The following SOX6 variants were observed in gnomAD, a reference collection of about 807,000 sequenced individuals.
SOX6 encodes the protein transcription factor SOX-6.
Under a neutral mutation model 97.8 loss-of-function variants are expected in SOX6, and 11 were observed. The observed-to-expected ratio is 0.11, with a 90% CI of 0.07 to 0.19. SOX6 has a LOEUF of 0.19. Among genes scored for constraint, SOX6 ranks in the 10% least tolerant of loss-of-function variants. SOX6 has a pLI of 1.00. For missense variants in SOX6, 810 were observed against 1,039.5 expected (o/e 0.78, Z 3.04); for synonymous variants, 360 against 371.4 (o/e 0.97, Z 0.35).
chr11:16,239,285 G>A (rs923052817), intron 3 of SOX6, among the ~76,000 whole-genome samples: 5 of 151,852 alleles, frequency 3.3e-5, no homozygotes, highest in Admixed American at 1.3e-4. Flanking sequence ...ACTCCCTGAC[G>A]ACTGCTCATG....
chr11:16,678,222 C>T (rs1847898972), intron 3 of SOX6, among the ~76,000 whole-genome samples: 1 of 152,186 alleles, frequency 6.6e-6, no homozygotes, highest in South Asian at 2.1e-4. Flanking sequence ...TTCTCTATTT[C>T]ATAATGTGGA....
intron 12 of SOX6, among the ~76,000 whole-genome samples, chr11:16,045,472 T>C (rs934979003): frequency 6.6e-6 from 1 of 152,200 alleles, no homozygotes; most frequent in African/African-American, 2.4e-5. Flanking sequence ...GATCCTTTTA[T>C]ATGTAAATCA....
intron 1 of SOX6, among the ~76,000 whole-genome samples, chr11:16,366,602 C>G (rs297323): frequency 1 from 151,568 of 152,284 alleles, 75,433 homozygotes; most frequent in Middle Eastern, 1. Context: ...CTACCACAGA[C>G]AACTGATTAC....
At chr11:16,220,906 C>T (rs1852519895) in intron 4 of SOX6, among the ~76,000 whole-genome samples, 1 of 152,060 alleles carries the variant, frequency 6.6e-6, no homozygotes. Context: ...GGCGCAGATC[C>T]AGGGGAAGAA....
intron 6 of SOX6, among the ~76,000 whole-genome samples, chr11:16,161,925 C>T (rs796234699): frequency 2.6e-5 from 4 of 152,270 alleles, no homozygotes; most frequent in South Asian, 2.1e-4. Context: ...TCTCTTATCC[C>T]TTCCTGGAAC....
intron 2 of SOX6, among the ~76,000 whole-genome samples, chr11:16,723,136 T>A (rs990985122): frequency 6.6e-6 from 1 of 152,190 alleles, no homozygotes; most frequent in African/African-American, 2.4e-5. Flanking sequence ...CATGGAATAC[T>A]ATGCAGTCAT....
chr11:16,164,820 C>CAAA, intron 6 of SOX6, among the ~76,000 whole-genome samples: 1 of 81,708 alleles, frequency 1.2e-5, no homozygotes, highest in Middle Eastern at 8.6e-3. Flanking sequence ...GACTTGGTAT[C>CAAA]AAAAAAAAAA....
intron 1 of SOX6, among the ~76,000 whole-genome samples, chr11:16,406,426 C>T (rs2174163): frequency 0.39 from 59,170 of 151,956 alleles, 11,589 homozygotes; most frequent in East Asian, 0.52. Context: ...TAGTTGAGTT[C>T]ACTAACATAT....
At position 16,375,201 on chromosome 11, in the gene SOX6, A is replaced by G. The variant is rs1857611822; in HGVS notation, c.-4-33949T>C. On this transcript the variant is annotated intron_variant, in intron 1 of 15. Coordinates refer to the SOX6 transcript ENST00000396356. ...AAAGCTTTTTCAAACTTTCTAGCCC[A>G]CACCAATTAATTTGCCACCCAACGC... Among the ~76,000 whole-genome samples, 3 of 152,082 alleles carry G rather than the reference A, an allele frequency of 2.0e-5. No homozygotes were observed. The South Asian group carries it at 6.2e-4, about 31-fold the overall frequency.
intron 3 of SOX6, among the ~76,000 whole-genome samples, chr11:16,295,446 G>A (rs1214647880): frequency 6.6e-6 from 1 of 151,962 alleles, no homozygotes; most frequent in Non-Finnish European, 1.5e-5. Context: ...ACAATCACAA[G>A]AGAACATCAA....
intron 6 of SOX6, among the ~76,000 whole-genome samples, chr11:16,132,373 AG>A (rs1564972103): frequency 2.1e-5 from 2 of 94,302 alleles, no homozygotes; most frequent in Non-Finnish European, 2.0e-5. Flanking sequence ...AAAGAAAGAA[AG>A]AAAGAAAGAA....
At position 16,533,531 on chromosome 11, in the gene SOX6, T is replaced by A. The variant is rs545258772; in HGVS notation, n.610-57143A>T. On this transcript the variant is annotated intron_variant and non_coding_transcript_variant, in intron 4 of 5. Coordinates refer to the SOX6 transcript ENST00000524520. ...ATTCCTTTGCAGAAGCAGAAAATGG[T>A]TGCTACATTTTTCACCCTAAGCTGA... is the stretch of plus-strand genomic sequence containing the variant. 2.0e-5 allele frequency among the ~76,000 whole-genome samples: 3 copies of A among 152,098 alleles called. No homozygotes were observed. In the South Asian group the frequency reaches 6.2e-4, roughly 32 times the overall value.
At chr11:16,681,715 C>T (rs1847929332) in intron 3 of SOX6, among the ~76,000 whole-genome samples, 1 of 151,884 alleles carries the variant, frequency 6.6e-6, no homozygotes, top group Non-Finnish European at 1.5e-5. Flanking sequence ...AGACCACTAG[C>T]CAGACTAATA....
At chr11:16,603,044 A>T (rs1245537039) in intron 4 of SOX6, among the ~76,000 whole-genome samples, 2 of 152,130 alleles carry the variant, frequency 1.3e-5, no homozygotes, top group African/African-American at 2.4e-5. Context: ...AAAAAAAAAG[A>T]AAAGCTAACC....
rs565951144 is a variant in SOX6 at position 16,039,485 on chromosome 11, C to G, written c.1623+7029G>C. ...AATCTCAAAGACCCTTTTAGAGGGT[C>G]CACTAGATCAAAACTATTTCCATAA... is the stretch of plus-strand genomic sequence containing the variant. On this transcript the variant is annotated intron_variant, in intron 12 of 15. Coordinates refer to ENST00000683767, the MANE Select transcript of SOX6 (RefSeq NM_001367873.1). Among the ~76,000 whole-genome samples, 211 of 152,068 alleles carry G rather than the reference C, an allele frequency of 1.4e-3. 1 individual carries two copies. Among genetic ancestry groups the G allele is most frequent in the African/African-American group, 4.7e-3 (197 of 41,532 alleles).
At chr11:16,173,575 T>C (rs2134087190) in intron 6 of SOX6, among the ~76,000 whole-genome samples, 1 of 147,714 alleles carries the variant, frequency 6.8e-6, no homozygotes, top group South Asian at 2.2e-4. Flanking sequence ...TTTTTAGTTT[T>C]TTTGTTTTTT....
chr11:16,280,153 G>A (rs148354389), intron 3 of SOX6, among the ~76,000 whole-genome samples: 7 of 152,148 alleles, frequency 4.6e-5, no homozygotes, highest in Non-Finnish European at 7.4e-5. Flanking sequence ...CAGTGTATGC[G>A]TAAGAGTCAA....
At chr11:16,552,475 A>G (rs904517527) in intron 4 of SOX6, among the ~76,000 whole-genome samples, 9 of 152,154 alleles carry the variant, frequency 5.9e-5, no homozygotes, top group African/African-American at 2.2e-4. Flanking sequence ...TTTTGTTTGG[A>G]ATCTATTCAC....
chr11:16,118,283 CA>C (rs1424294818), intron 6 of SOX6, among the ~76,000 whole-genome samples: 1 of 152,182 alleles, frequency 6.6e-6, no homozygotes, highest in Non-Finnish European at 1.5e-5. Context: ...AATCCCTAAC[CA>C]AAGTGTTTCC....
Sources: allele counts gnomAD v4.1 joint callset (sites outside exome capture counted in the v4.1 genomes callset), GRCh38; gene constraint gnomAD v4.1.1; transcripts MANE v1.5; gene names NCBI Gene and HGNC (gene_info 2026-07-23, HGNC 2026-07-21).